RNF144B: variants seen among roughly 807,000 people sequenced by gnomAD.
The protein encoded by RNF144B is ring finger protein 144B.
Under a neutral mutation model 40.2 loss-of-function variants are expected in RNF144B, and 25 were observed. The ratio of observed to expected loss-of-function variants is 0.62; its 90% CI spans 0.45 to 0.87. The LOEUF (loss-of-function observed/expected upper bound fraction) is 0.87, where lower values mean the gene tolerates loss of function less well. Ranked by LOEUF, RNF144B falls within the 40% of genes least tolerant of loss-of-function variation. The pLI, the probability that RNF144B is intolerant of heterozygous loss-of-function variation, is 0.00. For synonymous variants in RNF144B, 145 were observed against 136.3 expected, an observed-to-expected ratio of 1.06 and a Z score of -0.44; for missense variants, 365 against 373.7, an observed-to-expected ratio of 0.98 and a Z score of 0.19.
chr6:18,417,636 CAT>C (rs1795170518), intron 2 of RNF144B, among the ~76,000 whole-genome samples: 1 of 151,990 alleles, frequency 6.6e-6, no homozygotes, highest in Non-Finnish European at 1.5e-5. Flanking sequence ...AAGAAGAAAA[CAT>C]AGGAAAATAG....
In RNF144B at chr6:18,463,362, G is replaced by C. The variant is rs1221339948; in HGVS notation, c.753G>C (p.Val251=). 2 of 1,609,112 alleles carry C rather than the reference G, an allele frequency of 1.2e-6. No homozygotes were observed. Among genetic ancestry groups the C allele is most frequent in the Non-Finnish European group, 1.7e-6 (2 of 1,175,568 alleles). The change falls in exon 7 of 8, where the codon GTG becomes GTC. Residue 251 remains valine, a synonymous_variant. Transcript: ENST00000259939. ...AACTTGGCCACTCAAGAGCATCAGT[G>C]ATGTGGAACCGAACACAGGTACCCT... ...RNKLGHSRAS[V]MWNRTQVVGI...
intron 3 of RNF144B, among the ~76,000 whole-genome samples, chr6:18,432,960 C>T (rs551472106): frequency 1.3e-5 from 2 of 152,242 alleles, no homozygotes; most frequent in South Asian, 4.1e-4. Context: ...TTCTGGAGAC[C>T]TGGGGTGGAG....
intron 1 of RNF144B, among the ~76,000 whole-genome samples, chr6:18,392,035 TAAAAAAA>T (rs10643409): frequency 4.2e-5 from 3 of 71,082 alleles, no homozygotes; most frequent in East Asian, 5.0e-4. Flanking sequence ...CCATCTCTAC[TAAAAAAA>T]AAAAAAAAAA....
In RNF144B at chr6:18,467,245, G is replaced by T. The variant is rs183898663; in HGVS notation, c.*2178G>T. 5.9e-5 allele frequency: 9 copies of T among 152,540 alleles called. No homozygotes were observed. The East Asian group carries it at 1.7e-3, about 29-fold the overall frequency. The allele number at this position is 152,540 out of a possible 1,614,324, so 9.4% of individuals were successfully genotyped here. On this transcript the variant is annotated 3_prime_UTR_variant, in exon 8 of 8. Transcript: ENST00000259939. ...GGTGCTGCAAAGAGTCTTTAAATGG[G>T]GGCTGATTTCAAGTAACCTAAAAGA...
At position 18,395,043 on chromosome 6, in the gene RNF144B, C is replaced by T. The variant is rs932337511; in HGVS notation, c.-36-4456C>T. On this transcript the variant is annotated intron_variant, in intron 1 of 7. Transcript: ENST00000259939. This position sits in a 1 kb window ranked among gnomAD's most constrained non-coding sequence, Gnocchi z 4.5. ...GGCAGCTGTCAGATTTCAAGGTGCC[C>T]CTTGCATTCTCTGCCAAAATTCTTT... 6.6e-6 allele frequency among the ~76,000 whole-genome samples: 1 copy of T among 152,146 alleles called. No homozygotes were observed. The highest frequency in any genetic ancestry group is 2.4e-5 in the African/African-American group (1 of 41,426).
intron 1 of RNF144B, among the ~76,000 whole-genome samples, chr6:18,399,053 A>G (rs1794745086): frequency 6.6e-6 from 1 of 152,238 alleles, no homozygotes; most frequent in Admixed American, 6.5e-5. Context: ...GCTAATGAAC[A>G]TCATCACTTC....
In RNF144B at chr6:18,446,145, G is replaced by A. The variant is rs7760185; in HGVS notation, c.331+6401G>A. On this transcript the variant is annotated intron_variant, in intron 4 of 7. Coordinates refer to ENST00000259939, the MANE Select transcript of RNF144B (RefSeq NM_182757.4). This position sits in a 1 kb window ranked among gnomAD's most constrained non-coding sequence, Gnocchi z 4.7. ...CCTGTTAGATGCCAGGGCTGCTGAT[G>A]TCTGATGACTCTCTGCATTTTTTCT... Among the ~76,000 whole-genome samples, 19,005 of 152,198 alleles carry A rather than the reference G, an allele frequency of 0.12. 1,365 individuals carry two copies. The highest frequency in any genetic ancestry group is 0.19 in the Admixed American group (2,955 of 15,284).
chr6:18,448,501 T>C lies in RNF144B; in HGVS notation c.332-8654T>C, dbSNP rs896757089. On this transcript the variant is annotated intron_variant, in intron 4 of 7. Transcript: ENST00000259939. The surrounding 1 kb of genome is among the most constrained non-coding windows in gnomAD (Gnocchi z 4.0). ...TTGAAGCAAAAGGAGGAGCTTTATG[T>C]AATATGAAAGTATAGCGAACCTAGC... 6.6e-6 allele frequency among the ~76,000 whole-genome samples: 1 copy of C among 152,084 alleles called. No homozygotes were observed. The highest frequency in any genetic ancestry group is 2.4e-5 in the African/African-American group (1 of 41,398).
At chr6:18,449,180 A>C (rs1759152800) in intron 4 of RNF144B, among the ~76,000 whole-genome samples, 2 of 152,204 alleles carry the variant, frequency 1.3e-5, no homozygotes, top group South Asian at 4.1e-4. Flanking sequence ...ACTTTATTAC[A>C]TGTGAGAATC....
intron 2 of RNF144B, among the ~76,000 whole-genome samples, chr6:18,408,665 G>C (rs948922112): frequency 6.6e-6 from 1 of 152,046 alleles, no homozygotes; most frequent in African/African-American, 2.4e-5. Context: ...GTGCCGCTGC[G>C]AAGGGCCCTT....
At chr6:18,390,472 C>A (rs1794557518) in intron 1 of RNF144B, among the ~76,000 whole-genome samples, 2 of 152,238 alleles carry the variant, frequency 1.3e-5, no homozygotes, top group South Asian at 4.1e-4. Flanking sequence ...AGGATCTTCT[C>A]ATCTATGAGC....
At position 18,414,510 on chromosome 6, in the gene RNF144B, A is replaced by C. The variant is rs969356092; in HGVS notation, c.166-13071A>C. 4.6e-5 allele frequency among the ~76,000 whole-genome samples: 7 copies of C among 152,186 alleles called. No individual in the cohort carries two copies. On this transcript the variant is annotated intron_variant, in intron 2 of 7. Coordinates refer to ENST00000259939, the MANE Select transcript of RNF144B (RefSeq NM_182757.4). The surrounding 1 kb of genome is among the most constrained non-coding windows in gnomAD (Gnocchi z 4.9). ...TTATTCTGTCACTTATACAGTGTTA[A>C]TATTCTTTTAAAATTTCAAAAATTC...
chr6:18,454,566 T>C (rs560760422), intron 4 of RNF144B, among the ~76,000 whole-genome samples: 7 of 152,206 alleles, frequency 4.6e-5, no homozygotes, highest in Non-Finnish European at 8.8e-5. Flanking sequence ...CTACACTCCT[T>C]TGCATGGACC....
rs190651919 is a variant in RNF144B at position 18,429,057 on chromosome 6, G to T, written c.270+1372G>T. 7.9e-5 allele frequency among the ~76,000 whole-genome samples: 12 copies of T among 152,172 alleles called. No homozygotes were observed. In the South Asian group the frequency reaches 1.2e-3, roughly 16 times the overall value. The stretch of plus-strand genomic sequence containing the variant: ...AAATAAAAATTAGAAAATTAGCCAG[G>T]CATAGTGGTGCATGCCTATAGTCCC... On this transcript the variant is annotated intron_variant, in intron 3 of 7. Transcript: ENST00000259939.
intron 2 of RNF144B, among the ~76,000 whole-genome samples, chr6:18,420,275 T>C (rs185943485): frequency 6.6e-6 from 1 of 152,294 alleles, no homozygotes; most frequent in East Asian, 1.9e-4. Flanking sequence ...ATATTGGTGC[T>C]TAAAAAGTTT....
intron 2 of RNF144B, among the ~76,000 whole-genome samples, chr6:18,424,113 C>T (rs1034307719): frequency 1.3e-5 from 2 of 152,044 alleles, no homozygotes; most frequent in African/African-American, 4.8e-5. Context: ...AGTTTTCCCC[C>T]CTAGAATTGT....
intron 3 of RNF144B, among the ~76,000 whole-genome samples, chr6:18,428,919 C>A (rs1323538400): frequency 6.6e-6 from 1 of 152,118 alleles, no homozygotes; most frequent in African/African-American, 2.4e-5. Flanking sequence ...TGGCCAGGTG[C>A]TGTGGCTCAC....
Position 18,463,280 on chromosome 6 carries a change from T to A in RNF144B, c.682-11T>A. ...TGCATATTTACTGAAATCAATCTTT[T>A]TATTTTTCAGAATGACATTTTCCTC... On this transcript the variant is annotated splice_polypyrimidine_tract_variant and intron_variant, in intron 6 of 7. Coordinates refer to ENST00000259939, the MANE Select transcript of RNF144B (RefSeq NM_182757.4). 1.9e-6 allele frequency: 3 copies of A among 1,549,190 alleles called. No individual in the cohort carries two copies. Among genetic ancestry groups the A allele is most frequent in the Non-Finnish European group, 2.7e-6 (3 of 1,120,690 alleles).
Position 18,398,551 on chromosome 6 carries a change from A to G in RNF144B, c.-36-948A>G, listed in dbSNP as rs958756224. Among the ~76,000 whole-genome samples, 24 of 151,590 alleles carry G rather than the reference A, an allele frequency of 1.6e-4. No homozygotes were observed. Among genetic ancestry groups the G allele is most frequent in the Non-Finnish European group, 2.7e-4 (18 of 67,874 alleles). On this transcript the variant is annotated intron_variant, in intron 1 of 7. Transcript: ENST00000259939. The surrounding 1 kb of genome is among the most constrained non-coding windows in gnomAD (Gnocchi z 5.0). ...TGCCTGGCTAATTTTGTATTTTTGT[A>G]TTTTTTGTAATTTTGTATTTTTAGT...
Sources: gnomAD v4.1 joint callset for allele counts (sites outside exome capture counted in the v4.1 genomes callset) on GRCh38, gnomAD v4.1.1 for gene constraint, Gnocchi (gnomAD v3.1) non-coding constraint, MANE v1.5 for transcripts, NCBI Gene and HGNC (gene_info 2026-07-23, HGNC 2026-07-21) for gene names.